The following ALCAM variants were observed in gnomAD, a reference collection of about 807,000 sequenced individuals.
The protein encoded by ALCAM is CD166 antigen.
A neutral mutation model predicts 70.9 loss-of-function variants in ALCAM; 30 were observed. That is an observed-to-expected ratio of 0.42 (90% CI 0.32 to 0.57). The LOEUF (loss-of-function observed/expected upper bound fraction) is 0.57, where lower values mean the gene tolerates loss of function less well. ALCAM is among the 20% of genes least tolerant of loss of function. The probability of loss-of-function intolerance (pLI) is 0.11; values close to 1 mark genes in which losing one functional copy is unlikely to be tolerated. For missense variants in ALCAM, 591 were observed against 695.1 expected, an observed-to-expected ratio of 0.85 and a Z score of 1.68; for synonymous variants, 249 against 242.5, an observed-to-expected ratio of 1.03 and a Z score of -0.25.
chr3:105,373,986 G>A (rs1464325509), intron 1 of ALCAM, among the ~76,000 whole-genome samples: 2 of 152,148 alleles, frequency 1.3e-5, no homozygotes, highest in African/African-American at 2.4e-5. Context: ...AGACCTGATG[G>A]CACTTTAGTA....
chr3:105,402,501 G>C (rs1264946157), intron 1 of ALCAM, among the ~76,000 whole-genome samples: 2 of 152,160 alleles, frequency 1.3e-5, no homozygotes, highest in East Asian at 3.9e-4. Context: ...TCTCAGCCCT[G>C]GTCACCTGCT....
chr3:105,367,372 G>A lies in ALCAM; in HGVS notation c.-37G>A, dbSNP rs1232401729. The A allele has an allele frequency of 3.1e-6, 5 of 1,609,860 alleles. No homozygotes were observed. In the South Asian group the frequency reaches 5.5e-5, roughly 18 times the overall value. ...GGGACGACGCCCCCTCCTGCGGCGT[G>A]GACTCCGTCAGTGGCCCACCAAGAA... On this transcript the variant is annotated 5_prime_UTR_variant, in exon 1 of 16. Transcript: ENST00000306107.
At chr3:105,404,829 G>A (rs1420401973) in intron 1 of ALCAM, among the ~76,000 whole-genome samples, 2 of 152,132 alleles carry the variant, frequency 1.3e-5, no homozygotes, top group Admixed American at 6.5e-5. Context: ...CCAAGTTTCT[G>A]CTATCTTCAG....
intron 1 of ALCAM, among the ~76,000 whole-genome samples, chr3:105,480,137 G>A (rs1205773256): frequency 6.6e-6 from 1 of 151,998 alleles, no homozygotes; most frequent in East Asian, 1.9e-4. Context: ...ATTACCTGAG[G>A]TCTGGAGTTT....
intron 1 of ALCAM, among the ~76,000 whole-genome samples, chr3:105,514,789 C>T (rs1418783562): frequency 2.0e-5 from 3 of 151,726 alleles, no homozygotes; most frequent in Admixed American, 2.0e-4. Flanking sequence ...AGGCCTCACT[C>T]AATTATATCT....
chr3:105,520,057 TCCCCCA>T lies in ALCAM; in HGVS notation c.74-9_74-4del. The T allele has an allele frequency of 6.8e-7, 1 of 1,463,244 alleles. No homozygotes were observed. The highest frequency in any genetic ancestry group is 2.1e-5 in the Admixed American group (1 of 48,042). 90.6% of individuals were successfully genotyped at this position (1,463,244 alleles called of 1,614,324 possible). On this transcript the variant is annotated splice_polypyrimidine_tract_variant and splice_region_variant and intron_variant, in intron 1 of 15. Coordinates refer to ENST00000306107, the MANE Select transcript of ALCAM (RefSeq NM_001627.4). ...TTTCTCTCTTCTTCCTTTTTTTTTT[TCCCCCA>T]AAGGCCTTGGATGGTATACTGTAAA...
At chr3:105,414,887 G>A (rs1011764582) in intron 1 of ALCAM, among the ~76,000 whole-genome samples, 2 of 152,088 alleles carry the variant, frequency 1.3e-5, no homozygotes, top group Non-Finnish European at 2.9e-5. Context: ...TGATGCCATT[G>A]TTTAAGATAT....
chr3:105,471,866 C>T (rs1181355349), intron 1 of ALCAM, among the ~76,000 whole-genome samples: 2 of 151,330 alleles, frequency 1.3e-5, no homozygotes, highest in Middle Eastern at 3.4e-3. Context: ...ACGCTAGTCC[C>T]CATGCTGTAC....
chr3:105,542,765 A>C (rs1940154379), intron 8 of ALCAM, among the ~76,000 whole-genome samples: 1 of 151,640 alleles, frequency 6.6e-6, no homozygotes, highest in Non-Finnish European at 1.5e-5. Context: ...ATTGGGGAAT[A>C]AAGCAACCAG....
chr3:105,530,393 T>C (rs1199724375), intron 3 of ALCAM, among the ~76,000 whole-genome samples: 2 of 152,066 alleles, frequency 1.3e-5, no homozygotes, highest in Non-Finnish European at 2.9e-5. Context: ...CCCCACACAA[T>C]ATGTTTCCCA....
At chr3:105,409,767 A>G (rs1936340680) in intron 1 of ALCAM, among the ~76,000 whole-genome samples, 4 of 152,116 alleles carry the variant, frequency 2.6e-5, no homozygotes, top group Admixed American at 6.6e-5. Context: ...TTATTTTATC[A>G]TATATTGCCA....
At chr3:105,390,108 T>C (rs1260498770) in intron 1 of ALCAM, among the ~76,000 whole-genome samples, 1 of 152,032 alleles carries the variant, frequency 6.6e-6, no homozygotes, top group African/African-American at 2.4e-5. Context: ...TACCCAGTAA[T>C]GGGATGGCTG....
chr3:105,563,624 C>T (rs1040495948), intron 14 of ALCAM, among the ~76,000 whole-genome samples: 10 of 144,126 alleles, frequency 6.9e-5, no homozygotes, highest in African/African-American at 2.6e-4. Flanking sequence ...TGGTTTCTTC[C>T]TTGAAGTCAA....
intron 4 of ALCAM, 75 bp downstream of exon 4, chr3:105,532,141 A>C: frequency 2.4e-6 from 3 of 1,254,802 alleles, no homozygotes; most frequent in Non-Finnish European, 3.5e-6. Context: ...ACATTCCAAG[A>C]CAAGTAAGAA....
intron 1 of ALCAM, among the ~76,000 whole-genome samples, chr3:105,483,898 C>T (rs754589543): frequency 1.3e-5 from 2 of 151,962 alleles, no homozygotes; most frequent in Admixed American, 6.6e-5. Context: ...CAGAGCTTAA[C>T]GTGCCTGGGA....
intron 1 of ALCAM, among the ~76,000 whole-genome samples, chr3:105,455,342 T>C (rs1051447991): frequency 1.3e-5 from 2 of 149,536 alleles, no homozygotes; most frequent in African/African-American, 2.5e-5. Flanking sequence ...CTCAGGAGGC[T>C]GAGGCAGGAG....
chr3:105,382,654 T>G (rs1037323651), intron 1 of ALCAM, among the ~76,000 whole-genome samples: 2 of 152,068 alleles, frequency 1.3e-5, no homozygotes, highest in Non-Finnish European at 2.9e-5. Context: ...AGATGGTATC[T>G]CATTGTGGTT....
chr3:105,439,881 G>T (rs1352697115), intron 1 of ALCAM, among the ~76,000 whole-genome samples: 1 of 152,160 alleles, frequency 6.6e-6, no homozygotes, highest in African/African-American at 2.4e-5. Context: ...ATTTGTTGTT[G>T]TCATTGTTGT....
chr3:105,517,460 G>C lies in ALCAM; in HGVS notation c.74-2607G>C, dbSNP rs1367963376. On this transcript the variant is annotated intron_variant, in intron 1 of 15. Transcript: ENST00000306107. Reference sequence around the variant, plus strand: ...TTTCCTGGCTGAGGATTTGGATTTGGATTTGGAGCTGTCATTAAAAGACAC... The same window carrying C: ...TTTCCTGGCTGAGGATTTGGATTTGCATTTGGAGCTGTCATTAAAAGACAC... 2.0e-5 allele frequency among the ~76,000 whole-genome samples: 3 copies of C among 152,000 alleles called. No individual in the cohort carries two copies. The South Asian group carries it at 6.2e-4, about 32-fold the overall frequency.
Sources: gnomAD v4.1 joint callset for allele counts (sites outside exome capture counted in the v4.1 genomes callset) on GRCh38, gnomAD v4.1.1 for gene constraint, MANE v1.5 for transcripts, NCBI Gene and HGNC (gene_info 2026-07-23, HGNC 2026-07-21) for gene names.